The following PTPRA variants were observed in gnomAD, a reference collection of about 807,000 sequenced individuals.
PTPRA encodes the protein receptor-type tyrosine-protein phosphatase alpha.
A neutral mutation model predicts 104.8 loss-of-function variants in PTPRA; 25 were observed. That is an observed-to-expected ratio of 0.24 (90% CI 0.17 to 0.33). PTPRA has a LOEUF of 0.33. Ranked by LOEUF, PTPRA falls within the 10% of genes least tolerant of loss-of-function variation. The pLI is 1.00. For synonymous variants in PTPRA, 323 were observed against 368.9 expected, an observed-to-expected ratio of 0.88 and a Z score of 1.43; for missense variants, 765 against 1,015.3, an observed-to-expected ratio of 0.75 and a Z score of 3.35.
intron 13 of PTPRA, among the ~76,000 whole-genome samples, chr20:3,018,585 T>C (rs2064600637): frequency 6.6e-6 from 1 of 151,888 alleles, no homozygotes; most frequent in Admixed American, 6.6e-5. Flanking sequence ...AGATTTTTTC[T>C]TAGTATAGAA....
intron 9 of PTPRA, among the ~76,000 whole-genome samples, chr20:3,000,995 A>G (rs1181604680): frequency 6.6e-6 from 1 of 151,788 alleles, no homozygotes; most frequent in Non-Finnish European, 1.5e-5. Flanking sequence ...AACAAATGTG[A>G]AAAAAAAATT....
intron 17 of PTPRA, 36 bp from the exon 18 acceptor site, chr20:3,026,651 G>C (rs757331890): frequency 1.3e-6 from 2 of 1,500,044 alleles, no homozygotes; most frequent in Admixed American, 1.7e-5. Flanking sequence ...TCAGTTACTG[G>C]GATCAGTAAT....
chr20:3,004,373 TC>T (rs1423773001), intron 9 of PTPRA, among the ~76,000 whole-genome samples: 1 of 152,242 alleles, frequency 6.6e-6, no homozygotes, highest in African/African-American at 2.4e-5. Flanking sequence ...GTGCTCAAGT[TC>T]ATACAAACAC....
chr20:3,017,028 T>C (rs571385347), intron 12 of PTPRA, among the ~76,000 whole-genome samples: 61 of 152,334 alleles, frequency 4.0e-4, no homozygotes, highest in African/African-American at 1.4e-3. Flanking sequence ...CACAGTATTA[T>C]GTTATTTTTT....
At chr20:2,865,409 C>G in the PTPRA span, 1 of 1,614,114 alleles carries the variant, frequency 6.2e-7, no homozygotes, top group Non-Finnish European at 8.5e-7. This position sits in a 1 kb window ranked among gnomAD's most constrained non-coding sequence, Gnocchi z 5.2. Flanking sequence ...GCTCTGGTGG[C>G]TGAAGCTGAC....
chr20:2,884,786 ACT>A (rs1323909985), intron 1 of PTPRA, among the ~76,000 whole-genome samples: 2 of 146,272 alleles, frequency 1.4e-5, no homozygotes, highest in African/African-American at 2.5e-5. Context: ...TCAAATGGTA[ACT>A]CTCTGGTTTT....
Position 3,022,581 on chromosome 20 carries a change from A to C in PTPRA, c.1329-108A>C. On this transcript the variant is annotated intron_variant, in intron 15 of 23. Transcript: ENST00000399903. This position sits in a 1 kb window ranked among gnomAD's most constrained non-coding sequence, Gnocchi z 4.6. Reference sequence around the variant, plus strand: ...GAGCCCCAGCTCTACCCCATTCAGAATTAGGATTTAGACCCTGAAGGAAGA... The same window carrying C: ...GAGCCCCAGCTCTACCCCATTCAGACTTAGGATTTAGACCCTGAAGGAAGA... 2 of 1,478,782 alleles carry C rather than the reference A, an allele frequency of 1.4e-6. No homozygotes were observed. The highest frequency in any genetic ancestry group is 1.8e-6 in the Non-Finnish European group (2 of 1,085,904). The allele number at this position is 1,478,782 out of a possible 1,614,324, so 91.6% of individuals were successfully genotyped here. A position where few individuals can be genotyped will look rare whatever the true frequency, so the allele number is the denominator to read the frequency against.
At chr20:2,879,711 A>C (rs546453544) in intron 1 of PTPRA, among the ~76,000 whole-genome samples, 2 of 152,274 alleles carry the variant, frequency 1.3e-5, no homozygotes, top group South Asian at 4.1e-4. Context: ...TAATTTTACT[A>C]TACCTTTTCT....
At chr20:3,010,137 A>C (rs138482979) in intron 11 of PTPRA, among the ~76,000 whole-genome samples, 1 of 150,480 alleles carries the variant, frequency 6.6e-6, no homozygotes, top group Admixed American at 6.6e-5. Flanking sequence ...GGCGTGAGCC[A>C]CCGTGCCCAG....
chr20:2,979,429 C>T (rs1223491236), intron 6 of PTPRA, among the ~76,000 whole-genome samples: 1 of 152,180 alleles, frequency 6.6e-6, no homozygotes, highest in African/African-American at 2.4e-5. Context: ...TATTTTTCAT[C>T]TCTTATTGCT....
At chr20:3,020,257 A>G (rs1178055) in intron 13 of PTPRA, among the ~76,000 whole-genome samples, 96,862 of 151,578 alleles carry the variant, frequency 0.64, 33,001 homozygotes, top group East Asian at 0.88. Context: ...CACCACGCCC[A>G]GCTAATTTTT....
chr20:3,029,459 A>G (rs2065313183), intron 20 of PTPRA, among the ~76,000 whole-genome samples: 1 of 150,550 alleles, frequency 6.6e-6, no homozygotes, highest in South Asian at 2.1e-4. Context: ...AATTTTGATC[A>G]GTCATTTAAC....
chr20:2,911,609 A>G (rs781197626), intron 1 of PTPRA, among the ~76,000 whole-genome samples: 4 of 152,330 alleles, frequency 2.6e-5, no homozygotes, highest in Admixed American at 6.5e-5. Context: ...AAATAGTCTG[A>G]TCTGATCAGG....
chr20:3,000,522 T>C (rs192340524), intron 9 of PTPRA, among the ~76,000 whole-genome samples: 7 of 152,308 alleles, frequency 4.6e-5, no homozygotes, highest in African/African-American at 1.4e-4. Context: ...AAAAACAATT[T>C]GGCCTTATCT....
intron 5 of PTPRA, among the ~76,000 whole-genome samples, chr20:2,973,770 G>A (rs1037773487): frequency 8.5e-5 from 13 of 152,110 alleles, no homozygotes; most frequent in Non-Finnish European, 5.9e-5. Flanking sequence ...CTAGCACAAA[G>A]GAGTCTCAAA....
At chr20:2,944,049 T>TC (rs1457894453) in intron 2 of PTPRA, among the ~76,000 whole-genome samples, 1 of 150,012 alleles carries the variant, frequency 6.7e-6, no homozygotes, top group African/African-American at 2.4e-5. Context: ...CTTTTTTTTT[T>TC]TTTTTTTTTT....
chr20:2,924,393 G>A (rs545879618), intron 2 of PTPRA, among the ~76,000 whole-genome samples: 4 of 152,286 alleles, frequency 2.6e-5, no homozygotes, highest in South Asian at 2.1e-4. Context: ...GCAACAGGGC[G>A]AGACTATGTA....
chr20:3,016,803 C>A (rs2064481202), intron 12 of PTPRA, among the ~76,000 whole-genome samples: 1 of 152,162 alleles, frequency 6.6e-6, no homozygotes, highest in Admixed American at 6.5e-5. Context: ...CTTTTCTTTT[C>A]ACTTTTTTAG....
At chr20:2,921,741 C>T (rs868569858) in intron 1 of PTPRA, among the ~76,000 whole-genome samples, 1 of 151,960 alleles carries the variant, frequency 6.6e-6, no homozygotes, top group Non-Finnish European at 1.5e-5. Flanking sequence ...AAAAGGGGAA[C>T]GGAACATGTT....
Sources: allele counts gnomAD v4.1 joint callset (sites outside exome capture counted in the v4.1 genomes callset), GRCh38; gene constraint gnomAD v4.1.1; non-coding constraint Gnocchi (gnomAD v3.1); transcripts MANE v1.5; gene names NCBI Gene and HGNC (gene_info 2026-07-23, HGNC 2026-07-21).